COL10A1: variants seen among roughly 807,000 people sequenced by gnomAD.
COL10A1 encodes collagen alpha-1(X) chain.
In COL10A1, 10 loss-of-function variants were observed where a neutral mutation model predicts 18.2. That is an observed-to-expected ratio of 0.55 (90% CI 0.34 to 0.93). The LOEUF (loss-of-function observed/expected upper bound fraction) is 0.93, where lower values mean the gene tolerates loss of function less well. Among genes scored for constraint, COL10A1 ranks in the 40% least tolerant of loss-of-function variants. The pLI is 0.02. For missense variants in COL10A1, 897 were observed against 853.5 expected, an observed-to-expected ratio of 1.05 and a Z score of -0.64; for synonymous variants, 330 against 316.6, an observed-to-expected ratio of 1.04 and a Z score of -0.45.
At chr6:116,188,164 A>G in the COL10A1 span, among the ~76,000 whole-genome samples, 1 of 152,046 alleles carries the variant, frequency 6.6e-6, no homozygotes, top group Non-Finnish European at 1.5e-5. Context: ...ATCCATCAGA[A>G]TAGTTGGAAT....
rs528718832 is a variant in COL10A1 at position 116,133,141 on chromosome 6, G to A, written c.-15-7634C>T. Reference sequence around the variant, plus strand: ...CATTACTTGAAGAGCTCATAGTTTCGTGCGCCAAGTGCTTAATGACATCAC... The same window carrying A: ...CATTACTTGAAGAGCTCATAGTTTCATGCGCCAAGTGCTTAATGACATCAC... On this transcript the variant is annotated intron_variant, in intron 1 of 1. Transcript: ENST00000418500. Among the ~76,000 whole-genome samples, 49 of 152,232 alleles carry A rather than the reference G, an allele frequency of 3.2e-4. 1 individual carries two copies. The highest frequency in any genetic ancestry group is 3.1e-3 in the South Asian group (15 of 4,822).
chr6:116,162,429 T>C (rs1315046534), upstream of COL10A1, among the ~76,000 whole-genome samples: 1 of 152,218 alleles, frequency 6.6e-6, no homozygotes, highest in Non-Finnish European at 1.5e-5. Flanking sequence ...ATATGGTTCT[T>C]AGTATTTTCA....
chr6:116,176,742 C>T, the COL10A1 span, among the ~76,000 whole-genome samples: 1 of 152,084 alleles, frequency 6.6e-6, no homozygotes, highest in Non-Finnish European at 1.5e-5. Context: ...GTTTCATTAG[C>T]ATGAAGAGTC....
the COL10A1 span, among the ~76,000 whole-genome samples, chr6:116,180,541 ATC>A: frequency 6.6e-6 from 1 of 152,224 alleles, no homozygotes; most frequent in South Asian, 2.1e-4. Context: ...TTATTGCTTA[ATC>A]TTATCACAAA....
At chr6:116,191,308 G>C in the COL10A1 span, among the ~76,000 whole-genome samples, 1 of 151,928 alleles carries the variant, frequency 6.6e-6, no homozygotes, top group South Asian at 2.1e-4. Flanking sequence ...GAGCATCTGA[G>C]GTCTTTAAAA....
chr6:116,209,909 C>T, the COL10A1 span, among the ~76,000 whole-genome samples: 2 of 151,924 alleles, frequency 1.3e-5, no homozygotes, highest in Non-Finnish European at 2.9e-5. Flanking sequence ...AGATAATGGT[C>T]ATCAAATAAG....
rs759542606 is a variant in COL10A1, at chr6:116,120,146, G to T, written c.1970C>A (p.Ala657Asp). Reference protein sequence around the residue: ...NDQVWLQLPNAESNGLYSSEY... With the variant: ...NDQVWLQLPNDESNGLYSSEY... ...AGAGGAGTATAGGCCATTTGACTCGGCATTGGGAAGCTGGAGCCACACCTG... is the reference window on the plus strand; with the variant it reads ...AGAGGAGTATAGGCCATTTGACTCGTCATTGGGAAGCTGGAGCCACACCTG... The change falls in exon 3 of 3, where the codon GCC becomes GAC. Residue 657 changes from alanine (A) to aspartate (D), a missense_variant. By Grantham distance (126) the Ala-to-Asp change is moderately radical. Transcript: ENST00000651968. 24 of 1,613,988 alleles carry T rather than the reference G, an allele frequency of 1.5e-5. No homozygotes were observed. The highest frequency in any genetic ancestry group is 1.9e-5 in the Non-Finnish European group (22 of 1,180,026).
At chr6:116,164,439 T>C in the COL10A1 span, among the ~76,000 whole-genome samples, 86 of 152,214 alleles carry the variant, frequency 5.6e-4, no homozygotes, top group African/African-American at 2.0e-3. Flanking sequence ...TTGCATGATA[T>C]ATCTTTCTCC....
chr6:116,172,621 C>A, the COL10A1 span, among the ~76,000 whole-genome samples: 1 of 152,032 alleles, frequency 6.6e-6, no homozygotes, highest in African/African-American at 2.4e-5. Context: ...CGCCAGGCCA[C>A]ACCTTAGTAA....
At chr6:116,188,086 G>T in the COL10A1 span, among the ~76,000 whole-genome samples, 1 of 151,942 alleles carries the variant, frequency 6.6e-6, no homozygotes, top group Admixed American at 6.6e-5. Context: ...CAATAAACAT[G>T]AAAATGTGCT....
chr6:116,176,118 G>A, the COL10A1 span, among the ~76,000 whole-genome samples: 5 of 152,202 alleles, frequency 3.3e-5, no homozygotes, highest in African/African-American at 1.2e-4. Context: ...CTAGTCAGCA[G>A]CTTAGCTGGA....
At chr6:116,212,720 G>A in the COL10A1 span, among the ~76,000 whole-genome samples, 1 of 151,934 alleles carries the variant, frequency 6.6e-6, no homozygotes, top group Non-Finnish European at 1.5e-5. Context: ...AAACATCCCA[G>A]GATATTCATT....
chr6:116,150,552 T>A (rs1211138406), intron 1 of COL10A1, among the ~76,000 whole-genome samples: 1 of 152,204 alleles, frequency 6.6e-6, no homozygotes, highest in Admixed American at 6.5e-5. Context: ...CCCAAAACGC[T>A]GGGATTACAG....
chr6:116,175,766 A>G, the COL10A1 span, among the ~76,000 whole-genome samples: 1 of 152,132 alleles, frequency 6.6e-6, no homozygotes, highest in African/African-American at 2.4e-5. Flanking sequence ...TAATATTTCC[A>G]TAGTTTTAAT....
chr6:116,203,794 C>A, the COL10A1 span, among the ~76,000 whole-genome samples: 1 of 151,842 alleles, frequency 6.6e-6, no homozygotes, highest in South Asian at 2.1e-4. Flanking sequence ...GTAGGAACTG[C>A]CAAATAATTT....
At chr6:116,129,253 A>T (rs1197618275), upstream of COL10A1, among the ~76,000 whole-genome samples, 1 of 152,234 alleles carries the variant, frequency 6.6e-6, no homozygotes, top group Non-Finnish European at 1.5e-5. Flanking sequence ...TGTCTATATT[A>T]TATAGAAACA....
chr6:116,143,698 G>A (rs1056526981), intron 1 of COL10A1, among the ~76,000 whole-genome samples: 5 of 151,880 alleles, frequency 3.3e-5, no homozygotes, highest in South Asian at 4.2e-4. Context: ...TTGCATTTTG[G>A]GTGTTTGATA....
chr6:116,172,052 T>G, the COL10A1 span, among the ~76,000 whole-genome samples: 6 of 152,120 alleles, frequency 3.9e-5, no homozygotes, highest in Non-Finnish European at 8.8e-5. Context: ...CACTCTCACT[T>G]CCATCCACAC....
intron 1 of COL10A1, among the ~76,000 whole-genome samples, chr6:116,153,775 T>C (rs774701310): frequency 1.8e-4 from 28 of 152,168 alleles, no homozygotes; most frequent in Non-Finnish European, 3.7e-4. Flanking sequence ...TATGCAATGA[T>C]ATGAATAGTC....
Sources: gnomAD v4.1 joint callset for allele counts (sites outside exome capture counted in the v4.1 genomes callset) on GRCh38, gnomAD v4.1.1 for gene constraint, MANE v1.5 for transcripts, NCBI Gene and HGNC (gene_info 2026-07-23, HGNC 2026-07-21) for gene names.